Variants in FHIT observed in about 807,000 individuals in gnomAD.
FHIT encodes the protein fragile histidine triad diadenosine triphosphatase.
Under a neutral mutation model 17.9 loss-of-function variants are expected in FHIT, and 19 were observed. The observed-to-expected ratio is 1.06, with a 90% confidence interval of 0.74 to 1.56. The LOEUF is 1.56. FHIT is among the 40% of genes most tolerant of loss of function. The pLI, the probability that FHIT is intolerant of heterozygous loss-of-function variation, is 0.00. For missense variants in FHIT, 248 were observed against 189.2 expected, an observed-to-expected ratio of 1.31 and a Z score of -1.82; for synonymous variants, 81 against 69.7, an observed-to-expected ratio of 1.16 and a Z score of -0.81.
chr3:61,035,259 C>T (rs1052566811), intron 3 of FHIT, among the ~76,000 whole-genome samples: 6 of 152,112 alleles, frequency 3.9e-5, no homozygotes, highest in Non-Finnish European at 5.9e-5. Context: ...CACTGGATTG[C>T]TCACTTTAAA....
At chr3:60,005,997 G>A (rs1051201229) in intron 7 of FHIT, among the ~76,000 whole-genome samples, 1 of 152,124 alleles carries the variant, frequency 6.6e-6, no homozygotes, top group East Asian at 1.9e-4. Context: ...ATCACTTGTG[G>A]TGTCTGTTAG....
chr3:60,377,375 T>G (rs920077249), intron 5 of FHIT, among the ~76,000 whole-genome samples: 3 of 151,280 alleles, frequency 2.0e-5, no homozygotes, highest in Non-Finnish European at 4.4e-5. Context: ...GCCAGGATGG[T>G]CTCAATCTCT....
chr3:59,990,135 G>T (rs923326097), intron 7 of FHIT, among the ~76,000 whole-genome samples: 3 of 152,066 alleles, frequency 2.0e-5, no homozygotes, highest in Admixed American at 2.0e-4. Context: ...ATGGATGATT[G>T]TAATTTCCTG....
intron 3 of FHIT, among the ~76,000 whole-genome samples, chr3:60,937,130 T>G (rs1169448902): frequency 2.6e-5 from 4 of 152,202 alleles, no homozygotes; most frequent in Non-Finnish European, 5.9e-5. Context: ...GACAAAGGAA[T>G]GTGTCTTCAA....
intron 3 of FHIT, chr3:60,912,685 C>T: frequency 6.1e-6 from 3 of 490,390 alleles, no homozygotes; most frequent in Middle Eastern, 3.3e-4. Flanking sequence ...CCAGAAGAGA[C>T]ACCAGAGGAA....
chr3:59,760,559 CAA>C (rs35692822), intron 8 of FHIT, among the ~76,000 whole-genome samples: 142 of 135,138 alleles, frequency 1.1e-3, no homozygotes, highest in Middle Eastern at 3.9e-3. Context: ...CCCATGCCAT[CAA>C]AAAAAAAAAA....
intron 5 of FHIT, among the ~76,000 whole-genome samples, chr3:60,129,974 A>C (rs1001190847): frequency 2.0e-5 from 3 of 151,938 alleles, no homozygotes; most frequent in African/African-American, 7.3e-5. Context: ...CTTTAGGATT[A>C]TCTCTCTCTT....
chr3:59,961,883 T>C (rs1047446449), intron 7 of FHIT, among the ~76,000 whole-genome samples: 1 of 133,804 alleles, frequency 7.5e-6, no homozygotes, highest in African/African-American at 2.7e-5. Flanking sequence ...CACCACCCCA[T>C]TTTTCAATTT....
intron 1 of FHIT, among the ~76,000 whole-genome samples, chr3:61,216,203 G>A (rs2039669449): frequency 6.6e-6 from 1 of 152,174 alleles, no homozygotes; most frequent in Admixed American, 6.5e-5. Flanking sequence ...AGAGTGAACA[G>A]GCAACCTACA....
At chr3:60,123,963 T>C in intron 5 of FHIT, among the ~76,000 whole-genome samples, 1 of 53,568 alleles carries the variant, frequency 1.9e-5, no homozygotes, top group Non-Finnish European at 3.2e-5. Context: ...AGAAATGCAC[T>C]AAAAATATAT....
intron 5 of FHIT, among the ~76,000 whole-genome samples, chr3:60,114,528 G>A (rs1704864824): frequency 1.0e-5 from 1 of 98,354 alleles, no homozygotes. Flanking sequence ...CAAGGTCTCA[G>A]TCTGTTTCCC....
At chr3:61,187,130 A>C (rs1413650387) in intron 2 of FHIT, among the ~76,000 whole-genome samples, 1 of 152,222 alleles carries the variant, frequency 6.6e-6, no homozygotes, top group East Asian at 1.9e-4. Flanking sequence ...TCAGTCAGTC[A>C]TGTAGGTGAG....
At chr3:60,726,210 A>G (rs1233152748) in intron 4 of FHIT, among the ~76,000 whole-genome samples, 3 of 152,208 alleles carry the variant, frequency 2.0e-5, no homozygotes, top group Non-Finnish European at 2.9e-5. Flanking sequence ...CAAGATATCA[A>G]TCAAGATTTA....
At chr3:61,027,764 T>C (rs1333242126) in intron 3 of FHIT, among the ~76,000 whole-genome samples, 1 of 152,212 alleles carries the variant, frequency 6.6e-6, no homozygotes, top group Non-Finnish European at 1.5e-5. Context: ...TATAAGAATT[T>C]GGCAAAAATC....
chr3:60,962,015 T>G (rs1232725353), intron 3 of FHIT, among the ~76,000 whole-genome samples: 1 of 152,220 alleles, frequency 6.6e-6, no homozygotes, highest in African/African-American at 2.4e-5. Context: ...TAAATTGCCT[T>G]GGGCAGTATG....
chr3:60,297,427 T>A (rs1167131837), intron 5 of FHIT, among the ~76,000 whole-genome samples: 1 of 152,118 alleles, frequency 6.6e-6, no homozygotes, highest in East Asian at 1.9e-4. Flanking sequence ...TTGGTATCTA[T>A]CTGTTGATTG....
chr3:61,119,775 C>T (rs1467400048), intron 2 of FHIT, among the ~76,000 whole-genome samples: 2 of 152,186 alleles, frequency 1.3e-5, no homozygotes, highest in Non-Finnish European at 2.9e-5. Flanking sequence ...GGACATCAGC[C>T]TTCTCCCGCC....
chr3:60,961,248 T>C (rs1336548303), intron 3 of FHIT, among the ~76,000 whole-genome samples: 1 of 152,052 alleles, frequency 6.6e-6, no homozygotes, highest in Admixed American at 6.6e-5. Flanking sequence ...GAAGTGTCTG[T>C]TCATATCCTT....
intron 5 of FHIT, among the ~76,000 whole-genome samples, chr3:60,239,533 A>G (rs1705014810): frequency 6.6e-6 from 1 of 152,176 alleles, no homozygotes; most frequent in Non-Finnish European, 1.5e-5. Context: ...GCACTGCATT[A>G]CAGCCTAGGC....
Sources: allele counts gnomAD v4.1 joint callset (sites outside exome capture counted in the v4.1 genomes callset), GRCh38; gene constraint gnomAD v4.1.1; transcripts MANE v1.5; gene names NCBI Gene and HGNC (gene_info 2026-07-23, HGNC 2026-07-21).